Variants in MYLK4 observed in about 807,000 individuals in gnomAD.
MYLK4 encodes the protein caMLCK like.
Under a neutral mutation model 48.1 loss-of-function variants are expected in MYLK4, and 46 were observed. The observed-to-expected ratio is 0.96, with a 90% CI of 0.75 to 1.22. The LOEUF is 1.22. MYLK4 is among the 50% of genes most tolerant of loss of function. The pLI is 0.00. For synonymous variants in MYLK4, 170 were observed against 180.8 expected (o/e 0.94, Z 0.48); for missense variants, 451 against 486.1 (o/e 0.93, Z 0.68).
chr6:2,712,553 C>A (rs751011242), intron 2 of MYLK4, among the ~76,000 whole-genome samples: 2 of 152,206 alleles, frequency 1.3e-5, no homozygotes, highest in African/African-American at 4.8e-5. Flanking sequence ...TTTTGAGAAA[C>A]AGATTTAGTG....
intron 7 of MYLK4, among the ~76,000 whole-genome samples, chr6:2,681,452 C>T (rs531173526): frequency 9.2e-5 from 14 of 152,124 alleles, no homozygotes; most frequent in Non-Finnish European, 1.9e-4. Context: ...ATGCTTAAAT[C>T]ACTGATGGAT....
rs2113107302 is a variant in MYLK4, at chr6:2,678,221, T to G, written c.1039A>C (p.Ser347Arg). The G allele has an allele frequency of 6.2e-7, 1 of 1,613,946 alleles. No individual in the cohort carries two copies. The highest frequency in any genetic ancestry group is 2.2e-5 in the East Asian group (1 of 44,878). Residue 347 changes from serine (S) to arginine (R), a missense_variant and splice_region_variant, in exon 10 of 13, where the codon AGT becomes CGT. Physicochemically the swap from Ser to Arg is moderately radical, Grantham distance 110. Transcript: ENST00000274643. ...FISKLLIKEK[S>R]WRISASEALK... The stretch of plus-strand genomic sequence containing the variant: ...GAGCACAGGACGAACTTGCGTTACC[T>G]CTTCTCCTTAATCAGAAGCTTAGAG...
the MYLK4 span, among the ~76,000 whole-genome samples, chr6:2,769,504 A>G: frequency 6.6e-6 from 1 of 151,786 alleles, no homozygotes; most frequent in East Asian, 1.9e-4. Context: ...ACTTTAAAAA[A>G]TTTTTTTTTG....
the MYLK4 span, among the ~76,000 whole-genome samples, chr6:2,762,433 A>T: frequency 6.6e-5 from 10 of 152,236 alleles, no homozygotes; most frequent in Admixed American, 4.6e-4. Context: ...TTTAGGCCTT[A>T]TATTAAGAGA....
At chr6:2,724,473 C>A (rs1485800157) in intron 2 of MYLK4, among the ~76,000 whole-genome samples, 1 of 152,156 alleles carries the variant, frequency 6.6e-6, no homozygotes, top group Non-Finnish European at 1.5e-5. Flanking sequence ...GACCTTTCGT[C>A]ACTTGGTGCT....
intron 2 of MYLK4, among the ~76,000 whole-genome samples, chr6:2,697,053 C>T (rs900989087): frequency 2.6e-5 from 4 of 151,838 alleles, no homozygotes; most frequent in East Asian, 1.9e-4. Context: ...AGAGAGACTC[C>T]GTCTCAAAAA....
At chr6:2,740,381 C>T (rs558712561) in intron 2 of MYLK4, among the ~76,000 whole-genome samples, 5 of 152,290 alleles carry the variant, frequency 3.3e-5, no homozygotes, top group East Asian at 1.9e-4. Context: ...GGCATTGCTG[C>T]GGGACCTTCT....
chr6:2,695,442 A>G (rs1320304026), intron 2 of MYLK4, among the ~76,000 whole-genome samples: 4 of 152,264 alleles, frequency 2.6e-5, no homozygotes, highest in African/African-American at 9.6e-5. Context: ...AAAAGTCCAC[A>G]TGCTAACCCA....
intron 2 of MYLK4, among the ~76,000 whole-genome samples, chr6:2,703,926 C>T (rs529399052): frequency 2.0e-4 from 31 of 152,270 alleles, no homozygotes; most frequent in Admixed American, 1.5e-3. Context: ...GCCTCGGCCT[C>T]CCAAAGTGCT....
chr6:2,736,601 G>A (rs1360665515), intron 2 of MYLK4, among the ~76,000 whole-genome samples: 1 of 152,244 alleles, frequency 6.6e-6, no homozygotes, highest in Non-Finnish European at 1.5e-5. Context: ...AAGTCATTAT[G>A]TTATGGTGAA....
rs981690241 is a variant in MYLK4 at position 2,692,533 on chromosome 6, G to A, written c.235+251C>T. On this transcript the variant is annotated intron_variant, in intron 3 of 12. Transcript: ENST00000274643. ...TCTTTATCCAGGTTTCTTTTTATCA[G>A]CAGATATAAGCTTTTAAAAGCTAAG... 2.0e-5 allele frequency among the ~76,000 whole-genome samples: 3 copies of A among 146,398 alleles called. No individual in the cohort carries two copies. The Admixed American group carries it at 2.1e-4, about 10-fold the overall frequency.
intron 2 of MYLK4, among the ~76,000 whole-genome samples, chr6:2,719,672 G>A (rs1762998238): frequency 6.6e-6 from 1 of 151,870 alleles, no homozygotes; most frequent in African/African-American, 2.4e-5. Context: ...ACAAATTCAA[G>A]TTCAGGTAGA....
At chr6:2,731,333 G>A (rs544299890) in intron 2 of MYLK4, among the ~76,000 whole-genome samples, 7 of 152,254 alleles carry the variant, frequency 4.6e-5, no homozygotes, top group Admixed American at 1.3e-4. Context: ...TTGGTGTCTC[G>A]GCTCTGGGGC....
chr6:2,720,670 G>T (rs1424532994), intron 2 of MYLK4, among the ~76,000 whole-genome samples: 1 of 151,930 alleles, frequency 6.6e-6, no homozygotes, highest in African/African-American at 2.4e-5. Flanking sequence ...AGAATAAAAA[G>T]AAATTATTGG....
chr6:2,753,593 GA>G (rs1764349553), upstream of MYLK4, among the ~76,000 whole-genome samples: 1 of 152,112 alleles, frequency 6.6e-6, no homozygotes. Flanking sequence ...TTATGAAAAT[GA>G]AAAGACCAGC....
chr6:2,766,228 C>T, the MYLK4 span: 24 of 1,468,576 alleles, frequency 1.6e-5, no homozygotes, highest in East Asian at 1.6e-4. Flanking sequence ...CCTTCGGGGC[C>T]AGTGGCGGGG....
At chr6:2,746,221 C>T (rs1428854170) in intron 2 of MYLK4, among the ~76,000 whole-genome samples, 2 of 151,488 alleles carry the variant, frequency 1.3e-5, no homozygotes, top group East Asian at 1.9e-4. Context: ...GAGCTGAGAT[C>T]GCACCACTGC....
chr6:2,763,590 C>T, the MYLK4 span, among the ~76,000 whole-genome samples: 2 of 152,268 alleles, frequency 1.3e-5, no homozygotes, highest in East Asian at 1.9e-4. Flanking sequence ...TACTCCCACC[C>T]GGAACTCGCG....
At chr6:2,706,501 AT>A (rs1481680442) in intron 2 of MYLK4, among the ~76,000 whole-genome samples, 1 of 152,134 alleles carries the variant, frequency 6.6e-6, no homozygotes, top group Non-Finnish European at 1.5e-5. Context: ...AATACGTGTA[AT>A]TTTTTGTATA....
Sources: allele counts gnomAD v4.1 joint callset (sites outside exome capture counted in the v4.1 genomes callset), GRCh38; gene constraint gnomAD v4.1.1; transcripts MANE v1.5; gene names NCBI Gene and HGNC (gene_info 2026-07-23, HGNC 2026-07-21).